The following ADAMTS2 variants were observed in gnomAD, a reference collection of about 807,000 sequenced individuals.
ADAMTS2 encodes the protein A disintegrin and metalloproteinase with thrombospondin motifs 2.
In ADAMTS2, 50 loss-of-function variants were observed where a neutral mutation model predicts 123.0. That is an observed-to-expected ratio of 0.41 (90% CI 0.32 to 0.51). The LOEUF (loss-of-function observed/expected upper bound fraction) is 0.51. Among genes scored for constraint, ADAMTS2 ranks in the 20% least tolerant of loss-of-function variants. ADAMTS2 has a pLI of 0.35. For synonymous variants in ADAMTS2, 678 were observed against 695.4 expected, an observed-to-expected ratio of 0.98 and a Z score of 0.39; for missense variants, 1,494 against 1,705.2, an observed-to-expected ratio of 0.88 and a Z score of 2.18.
At chr5:179,275,588 C>T (rs1222206296) in intron 2 of ADAMTS2, among the ~76,000 whole-genome samples, 3 of 152,254 alleles carry the variant, frequency 2.0e-5, no homozygotes, top group South Asian at 2.1e-4. Context: ...GCGCAGAGGA[C>T]GAGGCCATGG....
Position 179,114,076 on chromosome 5 carries a change from G to T in ADAMTS2, c.3427C>A (p.Pro1143Thr), listed in dbSNP as rs2113161332. ...GCATTGGTGCTGGAGGCATTGAGAG[G>T]GACCTCCAGGGGGGTGCTTGGTGAT... The part of the protein sequence containing the change: ...RPSPSTPLEV[P>T]LNASSTNATE... Residue 1143 changes from proline to threonine, a missense_variant, in exon 22 of 22, where the codon CCT (proline) becomes ACT (threonine). Pro to Thr is a conservative substitution (Grantham distance 38, BLOSUM62 -1). Transcript: ENST00000251582. The T allele has an allele frequency of 1.2e-6, 2 of 1,614,094 alleles. No individual in the cohort carries two copies. Among genetic ancestry groups the T allele is most frequent in the Non-Finnish European group, 1.7e-6 (2 of 1,180,030 alleles).
chr5:179,152,490 G>A (rs1293688914), intron 9 of ADAMTS2, among the ~76,000 whole-genome samples: 1 of 152,168 alleles, frequency 6.6e-6, no homozygotes, highest in Non-Finnish European at 1.5e-5. Context: ...TTTGGAGGCT[G>A]CACACCTCAG....
chr5:179,259,172 C>T (rs1292518514), intron 3 of ADAMTS2, among the ~76,000 whole-genome samples: 1 of 152,136 alleles, frequency 6.6e-6, no homozygotes, highest in East Asian at 1.9e-4. Context: ...TCCTGCCACA[C>T]CCCCAAACAA....
intron 3 of ADAMTS2, among the ~76,000 whole-genome samples, chr5:179,257,238 T>C (rs978363420): frequency 2.0e-5 from 3 of 152,232 alleles, no homozygotes; most frequent in African/African-American, 7.2e-5. Flanking sequence ...CCAAGAATGC[T>C]GGGAGCTCCC....
rs1455874126 is a variant in ADAMTS2 at position 179,153,973 on chromosome 5, C to T, written c.1382+76G>A. The T allele has an allele frequency of 6.5e-6, 10 of 1,535,682 alleles. No individual in the cohort carries two copies. In the East Asian group the frequency reaches 2.4e-4, roughly 36 times the overall value. On this transcript the variant is annotated intron_variant, in intron 8 of 21. Coordinates refer to ENST00000251582, the MANE Select transcript of ADAMTS2 (RefSeq NM_014244.5). Reference sequence around the variant, plus strand: ...AGGTCGGAGGGCTCTGGCTCTGGTGCATGGGGACTTGCACCCTCCCAGAGC... The same window carrying T: ...AGGTCGGAGGGCTCTGGCTCTGGTGTATGGGGACTTGCACCCTCCCAGAGC...
At chr5:179,298,046 C>T (rs1039931598) in intron 2 of ADAMTS2, among the ~76,000 whole-genome samples, 11 of 152,100 alleles carry the variant, frequency 7.2e-5, no homozygotes, top group African/African-American at 2.7e-4. Flanking sequence ...TCTCTCTGGC[C>T]GCCCCCAGCT....
chr5:179,145,153 G>T (rs149328836), intron 10 of ADAMTS2, among the ~76,000 whole-genome samples: 1 of 152,254 alleles, frequency 6.6e-6, no homozygotes, highest in African/African-American at 2.4e-5. Context: ...GGTCATCATA[G>T]GTCACTAGGG....
In ADAMTS2 at chr5:179,173,079, G is replaced by T. The variant is rs115263312; in HGVS notation, c.975+7993C>A. Among the ~76,000 whole-genome samples the T allele has an allele frequency of 6.3e-3, 958 of 151,566 alleles. 10 individuals carry two copies. The highest frequency in any genetic ancestry group is 0.021 in the African/African-American group (882 of 41,338). ...AAAAAAAAATTAGTCGAGTGTGGTG[G>T]TGCGTGCCTGTAGTCCAAGCTACTT... On this transcript the variant is annotated intron_variant, in intron 5 of 21. Transcript: ENST00000251582.
intron 19 of ADAMTS2, among the ~76,000 whole-genome samples, chr5:179,124,161 G>A (rs1223726149): frequency 1.3e-5 from 2 of 152,092 alleles, no homozygotes; most frequent in Admixed American, 6.5e-5. Flanking sequence ...TGCAAGTCCC[G>A]CTTCTGAGTC....
chr5:179,199,115 A>G (rs1021139646), intron 4 of ADAMTS2, among the ~76,000 whole-genome samples: 3 of 152,244 alleles, frequency 2.0e-5, no homozygotes, highest in South Asian at 2.1e-4. Context: ...CGCCCTAGGG[A>G]CAGGCTGACT....
intron 5 of ADAMTS2, among the ~76,000 whole-genome samples, chr5:179,178,323 C>A (rs1307992157): frequency 3.1e-5 from 4 of 130,088 alleles, no homozygotes; most frequent in Non-Finnish European, 6.5e-5. Context: ...CTGGGGCCCA[C>A]CCCCAGGCTC....
chr5:179,153,444 C>T, intron 9 of ADAMTS2, 47 bp downstream of exon 9: 1 of 1,600,812 alleles, frequency 6.2e-7, no homozygotes, highest in Non-Finnish European at 8.5e-7. Context: ...ACCAGCACGC[C>T]TCCCCCCAGA....
chr5:179,187,795 G>A (rs1157270866), intron 4 of ADAMTS2, among the ~76,000 whole-genome samples: 1 of 152,236 alleles, frequency 6.6e-6, no homozygotes, highest in Non-Finnish European at 1.5e-5. Context: ...AGCCATCTCT[G>A]TGCGGAGAGA....
chr5:179,149,409 C>A (rs1026141793), intron 10 of ADAMTS2, among the ~76,000 whole-genome samples: 1 of 152,210 alleles, frequency 6.6e-6, no homozygotes, highest in Non-Finnish European at 1.5e-5. Context: ...ACCCAGTCTG[C>A]GGTATTTCTG....
intron 4 of ADAMTS2, among the ~76,000 whole-genome samples, chr5:179,183,833 G>C (rs1465772005): frequency 6.6e-6 from 1 of 152,214 alleles, no homozygotes; most frequent in Non-Finnish European, 1.5e-5. Flanking sequence ...GAGGTAATTA[G>C]GGGTAGATGA....
intron 3 of ADAMTS2, among the ~76,000 whole-genome samples, chr5:179,246,811 G>A (rs565705076): frequency 2.0e-5 from 3 of 152,202 alleles, no homozygotes; most frequent in Non-Finnish European, 4.4e-5. Context: ...TAACAAAACA[G>A]AGACTTTGGT....
At position 179,152,168 on chromosome 5, in the gene ADAMTS2, C is replaced by A; in HGVS notation, c.1603G>T (p.Asp535Tyr). The change falls in exon 10 of 22, where the codon GAC (aspartate) becomes TAC (tyrosine). Residue 535 changes from aspartate (D) to tyrosine (Y), a missense_variant. This residue lies in a region of ADAMTS2 where 953 missense variants were observed against 1,124.7 expected (regional missense o/e 0.85). Transcript: ENST00000251582. ...FCKTKKGPPL[D>Y]GTMCAPGKHC... Reference sequence around the variant, plus strand: ...TTGCCAGGTGCACACATAGTCCCGTCCAAGGGGGGCCCCTTCTTGGTCTTG... The same window carrying A: ...TTGCCAGGTGCACACATAGTCCCGTACAAGGGGGGCCCCTTCTTGGTCTTG... The A allele has an allele frequency of 6.2e-7, 1 of 1,614,002 alleles. No individual in the cohort carries two copies. The highest frequency in any genetic ancestry group is 8.5e-7 in the Non-Finnish European group (1 of 1,179,912).
At chr5:179,219,235 A>G (rs1358233787) in intron 3 of ADAMTS2, among the ~76,000 whole-genome samples, 1 of 152,112 alleles carries the variant, frequency 6.6e-6, no homozygotes, top group Non-Finnish European at 1.5e-5. Context: ...GAGGCGAGAG[A>G]TGAGGGCAGC....
chr5:179,178,787 A>G (rs1763985379), intron 5 of ADAMTS2, among the ~76,000 whole-genome samples: 1 of 152,146 alleles, frequency 6.6e-6, no homozygotes, highest in African/African-American at 2.4e-5. Context: ...ATTCATTCAA[A>G]TGTACTGAGT....
Sources: allele counts gnomAD v4.1 joint callset (sites outside exome capture counted in the v4.1 genomes callset), GRCh38; gene constraint gnomAD v4.1.1; regional missense constraint gnomAD v4.1.1; transcripts MANE v1.5; gene names NCBI Gene and HGNC (gene_info 2026-07-23, HGNC 2026-07-21).